The following SH3RF2 variants were observed in gnomAD, a reference collection of about 807,000 sequenced individuals.
The protein encoded by SH3RF2 is SH3 domain containing ring finger 2.
Under a neutral mutation model 59.0 loss-of-function variants are expected in SH3RF2, and 43 were observed. The observed-to-expected ratio is 0.73, with a 90% CI of 0.57 to 0.94. The LOEUF (loss-of-function observed/expected upper bound fraction) is 0.94. SH3RF2 is among the 40% of genes least tolerant of loss of function. The probability of loss-of-function intolerance (pLI) is 0.00; values close to 1 mark genes in which losing one functional copy is unlikely to be tolerated. For synonymous variants in SH3RF2, 391 were observed against 391.5 expected, an observed-to-expected ratio of 1.00 and a Z score of 0.01; for missense variants, 930 against 940.1, an observed-to-expected ratio of 0.99 and a Z score of 0.14.
intron 2 of SH3RF2, among the ~76,000 whole-genome samples, chr5:145,985,335 A>G (rs958026953): frequency 1.3e-5 from 2 of 152,226 alleles, no homozygotes; most frequent in Non-Finnish European, 2.9e-5. Flanking sequence ...TAAAAGATGG[A>G]GATTAATTAA....
chr5:145,959,811 C>T (rs2149952963), intron 2 of SH3RF2, among the ~76,000 whole-genome samples: 1 of 152,124 alleles, frequency 6.6e-6, no homozygotes, highest in South Asian at 2.1e-4. Flanking sequence ...CCAGGTCTGC[C>T]TTTGTCCCCC....
chr5:145,976,337 G>A (rs1391418611), intron 2 of SH3RF2, among the ~76,000 whole-genome samples: 1 of 151,848 alleles, frequency 6.6e-6, no homozygotes, highest in Non-Finnish European at 1.5e-5. Flanking sequence ...TAAGGATTGA[G>A]TGAGATACTG....
chr5:146,013,656 C>T, intron 4 of SH3RF2, 91 bp from the exon 5 acceptor site: 1 of 1,434,704 alleles, frequency 7.0e-7, no homozygotes, highest in Non-Finnish European at 9.5e-7. Flanking sequence ...GAGGTGGCAC[C>T]TGACCTGGCT....
At chr5:145,976,393 A>G (rs1267060961) in intron 2 of SH3RF2, among the ~76,000 whole-genome samples, 3 of 152,078 alleles carry the variant, frequency 2.0e-5, no homozygotes, top group South Asian at 2.1e-4. Flanking sequence ...AACAAACTCA[A>G]TAAATGATGA....
At chr5:146,076,008 C>T (rs940724372) in intron 9 of SH3RF2, among the ~76,000 whole-genome samples, 1 of 152,090 alleles carries the variant, frequency 6.6e-6, no homozygotes, top group Admixed American at 6.6e-5. Flanking sequence ...AAAAGTCACA[C>T]CTCCTACCAT....
chr5:146,028,660 G>T (rs1419727885), intron 5 of SH3RF2, among the ~76,000 whole-genome samples: 1 of 152,226 alleles, frequency 6.6e-6, no homozygotes, highest in African/African-American at 2.4e-5. Context: ...CAGGGTCAAA[G>T]TTGCCTCCCG....
intron 5 of SH3RF2, among the ~76,000 whole-genome samples, chr5:146,027,453 G>A (rs1289080210): frequency 3.3e-5 from 5 of 152,272 alleles, no homozygotes; most frequent in Non-Finnish European, 5.9e-5. Context: ...CAGAGTTGTC[G>A]AATGCCCACC....
chr5:145,986,014 TAAATA>T (rs1253687925), intron 2 of SH3RF2, among the ~76,000 whole-genome samples: 1 of 122,982 alleles, frequency 8.1e-6, no homozygotes, highest in African/African-American at 5.0e-5. Context: ...AATAAATAAA[TAAATA>T]AATAAATAAA....
In SH3RF2 at chr5:145,979,974, C is replaced by G. The variant is rs183963251; in HGVS notation, c.379-20084C>G. On this transcript the variant is annotated intron_variant, in intron 2 of 9. Coordinates refer to ENST00000359120, the MANE Select transcript of SH3RF2 (RefSeq NM_152550.4). ...GAGAACCTGAATTTATTCCAGAGCC[C>G]GTGAGGTGACAGAGACATTAGCCCA... is the stretch of plus-strand genomic sequence containing the variant. Among the ~76,000 whole-genome samples the G allele has an allele frequency of 2.6e-5, 4 of 152,226 alleles. No homozygotes were observed. The East Asian group carries it at 7.7e-4, about 29-fold the overall frequency.
chr5:146,007,055 TGAG>T, intron 4 of SH3RF2, among the ~76,000 whole-genome samples: 1 of 152,332 alleles, frequency 6.6e-6, no homozygotes, highest in East Asian at 1.9e-4. Context: ...TCAAGTCAGC[TGAG>T]AAGTATAAGG....
chr5:146,002,949 TCCCTGG>T, intron 3 of SH3RF2, among the ~76,000 whole-genome samples: 1 of 152,250 alleles, frequency 6.6e-6, no homozygotes, highest in Admixed American at 6.5e-5. Context: ...ACAAAACCAG[TCCCTGG>T]TGCCAAAAAG....
intron 2 of SH3RF2, among the ~76,000 whole-genome samples, chr5:145,988,927 C>G (rs1353363181): frequency 6.6e-6 from 1 of 152,176 alleles, no homozygotes; most frequent in African/African-American, 2.4e-5. Context: ...CCCAACAAAT[C>G]TGCTCCAAAA....
chr5:145,940,898 T>C (rs1757789981), intron 2 of SH3RF2, among the ~76,000 whole-genome samples: 1 of 152,158 alleles, frequency 6.6e-6, no homozygotes, highest in African/African-American at 2.4e-5. Flanking sequence ...ACAGTGAACA[T>C]TATTATTGAC....
At position 145,938,441 on chromosome 5, in the gene SH3RF2, G is replaced by A. The variant is rs1757686401; in HGVS notation, c.378+135G>A. Reference sequence around the variant, plus strand: ...ATTTCCCAGTGATAAGTTTCTGTGGGCAGTGATCATTTTACTCAAATACAA... The same window carrying A: ...ATTTCCCAGTGATAAGTTTCTGTGGACAGTGATCATTTTACTCAAATACAA... On this transcript the variant is annotated intron_variant, in intron 2 of 9. Coordinates refer to ENST00000359120, the MANE Select transcript of SH3RF2 (RefSeq NM_152550.4). The A allele has an allele frequency of 5.6e-6, 6 of 1,069,840 alleles. No individual in the cohort carries two copies. The Admixed American group carries it at 1.3e-4, about 23-fold the overall frequency. The allele number at this position is 1,069,840 out of a possible 1,614,324, so 66.3% of individuals were successfully genotyped here. A position where few individuals can be genotyped will look rare whatever the true frequency, so the allele number is the denominator to read the frequency against.
chr5:146,002,443 T>C (rs1321761591), intron 3 of SH3RF2, among the ~76,000 whole-genome samples: 1 of 136,178 alleles, frequency 7.3e-6, no homozygotes, highest in African/African-American at 2.8e-5. Flanking sequence ...AGAGCGAGAC[T>C]CCATCTAAAA....
At chr5:146,008,576 C>T (rs1238789345) in intron 4 of SH3RF2, among the ~76,000 whole-genome samples, 4 of 152,112 alleles carry the variant, frequency 2.6e-5, no homozygotes, top group Non-Finnish European at 2.9e-5. Context: ...CCTAATTGGT[C>T]CCCCTATTTC....
At chr5:145,973,555 TG>T (rs1759168195) in intron 2 of SH3RF2, among the ~76,000 whole-genome samples, 1 of 152,234 alleles carries the variant, frequency 6.6e-6, no homozygotes, top group Non-Finnish European at 1.5e-5. Flanking sequence ...TTGAATTCTC[TG>T]TTGGCCCATA....
chr5:146,057,960 CTCTCTCTCTA>C (rs1418150874), intron 8 of SH3RF2, among the ~76,000 whole-genome samples: 33 of 80,162 alleles, frequency 4.1e-4, no homozygotes, highest in African/African-American at 8.7e-4. Flanking sequence ...CTCTCTCTCT[CTCTCTCTCTA>C]TCTATCTATC....
chr5:145,943,198 GCACACA>G (rs549997825), intron 2 of SH3RF2, among the ~76,000 whole-genome samples: 1 of 151,110 alleles, frequency 6.6e-6, no homozygotes, highest in Non-Finnish European at 1.5e-5. Flanking sequence ...AGAGTTCTTT[GCACACA>G]CACAGAAACA....
Sources: allele counts gnomAD v4.1 joint callset (sites outside exome capture counted in the v4.1 genomes callset), GRCh38; gene constraint gnomAD v4.1.1; transcripts MANE v1.5; gene names NCBI Gene and HGNC (gene_info 2026-07-23, HGNC 2026-07-21).